Variants in ANKIB1 observed in about 807,000 individuals in gnomAD.
ANKIB1 encodes ankyrin repeat and IBR domain containing 1.
ANKIB1 carries 43 observed loss-of-function variants against 122.1 expected under a neutral mutation model. The observed-to-expected ratio is 0.35, with a 90% CI of 0.28 to 0.45. The LOEUF is 0.45. Ranked by LOEUF, ANKIB1 falls within the 20% of genes least tolerant of loss-of-function variation. ANKIB1 has a pLI of 1.00. For synonymous variants in ANKIB1, 390 were observed against 442.0 expected (o/e 0.88, Z 1.48); for missense variants, 992 against 1,329.5 (o/e 0.75, Z 3.95).
At chr7:92,259,293 C>T (rs1327814167) in intron 1 of ANKIB1, among the ~76,000 whole-genome samples, 2 of 152,112 alleles carry the variant, frequency 1.3e-5, no homozygotes, top group Non-Finnish European at 2.9e-5. Context: ...CCATAATGTC[C>T]ACGTGCCAGG....
At chr7:92,328,960 C>T (rs1029102716) in intron 5 of ANKIB1, among the ~76,000 whole-genome samples, 41 of 147,898 alleles carry the variant, frequency 2.8e-4, no homozygotes, top group African/African-American at 9.4e-4. Flanking sequence ...TATACACACA[C>T]ACAAACACAC....
chr7:92,246,138 G>A lies in ANKIB1; in HGVS notation c.-472G>A. 1.0e-5 allele frequency: 3 copies of A among 294,802 alleles called. No individual in the cohort carries two copies. Among genetic ancestry groups the A allele is most frequent in the Non-Finnish European group, 1.3e-5 (2 of 153,632 alleles). The allele number at this position is 294,802 out of a possible 1,614,324, so 18.3% of individuals were successfully genotyped here. Reference sequence around the variant, plus strand: ...CGGGGGAGGGGAAGAGGGCGGCCGGGGCTGCGAGCGCGCAAGGCTGGAACA... The same window carrying A: ...CGGGGGAGGGGAAGAGGGCGGCCGGAGCTGCGAGCGCGCAAGGCTGGAACA... On this transcript the variant is annotated 5_prime_UTR_variant, in exon 1 of 20. Coordinates refer to ENST00000265742, the MANE Select transcript of ANKIB1 (RefSeq NM_019004.2).
At chr7:92,365,830 T>C (rs60664984) in intron 10 of ANKIB1, among the ~76,000 whole-genome samples, 3,800 of 111,522 alleles carry the variant, frequency 0.034, 224 homozygotes, top group African/African-American at 0.12. Context: ...ACAGTCTCGC[T>C]CTGTCGCCCG....
intron 10 of ANKIB1, among the ~76,000 whole-genome samples, chr7:92,368,324 A>G (rs754475309): frequency 6.6e-5 from 10 of 151,208 alleles, no homozygotes; most frequent in Non-Finnish European, 1.0e-4. Context: ...AAAGAATAAG[A>G]GCTGTAACTG....
chr7:92,305,699 T>G (rs1802545538), intron 2 of ANKIB1, among the ~76,000 whole-genome samples: 1 of 152,108 alleles, frequency 6.6e-6, no homozygotes, highest in South Asian at 2.1e-4. Context: ...AGTATTGAAG[T>G]GTACTGCCGG....
intron 3 of ANKIB1, among the ~76,000 whole-genome samples, chr7:92,314,150 T>C (rs1333294562): frequency 2.6e-5 from 4 of 151,830 alleles, no homozygotes; most frequent in East Asian, 1.9e-4. Context: ...ATCAAAAAAT[T>C]AGCCAGTCGT....
At chr7:92,309,942 A>AAAAAAAATATATATATAT (rs1335765681) in intron 3 of ANKIB1, among the ~76,000 whole-genome samples, 2 of 91,790 alleles carry the variant, frequency 2.2e-5, no homozygotes, top group African/African-American at 4.8e-5. Context: ...AAAAAAAAAA[A>AAAAAAAATATATATATAT]ATATATATAT....
At chr7:92,330,690 A>C (rs1210265474) in intron 5 of ANKIB1, among the ~76,000 whole-genome samples, 5 of 151,992 alleles carry the variant, frequency 3.3e-5, no homozygotes, top group Non-Finnish European at 5.9e-5. Flanking sequence ...AAAATACAAA[A>C]AATTAGCAGG....
At chr7:92,313,548 T>TA (rs1802734708) in intron 3 of ANKIB1, among the ~76,000 whole-genome samples, 4 of 152,198 alleles carry the variant, frequency 2.6e-5, no homozygotes, top group African/African-American at 9.7e-5. Flanking sequence ...AAGGCCTATA[T>TA]TAACTATTTA....
At chr7:92,361,805 T>C (rs902114804) in intron 9 of ANKIB1, among the ~76,000 whole-genome samples, 1 of 151,962 alleles carries the variant, frequency 6.6e-6, no homozygotes, top group African/African-American at 2.4e-5. Flanking sequence ...GAATACTTTC[T>C]ACTTTTTTTG....
chr7:92,257,352 G>A (rs1345605574), intron 1 of ANKIB1, among the ~76,000 whole-genome samples: 2 of 152,144 alleles, frequency 1.3e-5, no homozygotes, highest in Non-Finnish European at 2.9e-5. Context: ...TAGCTAGATA[G>A]CATACTTATT....
rs1804964305 is a variant in ANKIB1, at chr7:92,399,192, A to C, written c.*243A>C. 9.0e-6 allele frequency: 3 copies of C among 333,842 alleles called. No individual in the cohort carries two copies. Among genetic ancestry groups the C allele is most frequent in the Non-Finnish European group, 1.1e-5 (2 of 187,626 alleles). 20.7% of individuals were successfully genotyped at this position (333,842 alleles called of 1,614,324 possible). A position where few individuals can be genotyped will look rare whatever the true frequency, so the allele number is the denominator to read the frequency against. The stretch of plus-strand genomic sequence containing the variant: ...TTGCTGACAAAAAGAAGAGCAAGAG[A>C]AAGAGAAACAAAAATGAAATAAATA... On this transcript the variant is annotated 3_prime_UTR_variant, in exon 20 of 20. Transcript: ENST00000265742.
At chr7:92,304,420 AT>A (rs1802515471) in intron 2 of ANKIB1, among the ~76,000 whole-genome samples, 1 of 152,040 alleles carries the variant, frequency 6.6e-6, no homozygotes, top group South Asian at 2.1e-4. Flanking sequence ...TCTTCTCTAT[AT>A]GGGGAGGATC....
intron 11 of ANKIB1, among the ~76,000 whole-genome samples, chr7:92,380,532 C>G (rs1585135244): frequency 6.6e-6 from 1 of 152,174 alleles, no homozygotes; most frequent in East Asian, 1.9e-4. Flanking sequence ...GACGAAGATT[C>G]CAGAGGAAGG....
chr7:92,273,033 CTATA>C (rs1436216445), intron 1 of ANKIB1, among the ~76,000 whole-genome samples: 1 of 152,034 alleles, frequency 6.6e-6, no homozygotes, highest in Non-Finnish European at 1.5e-5. Flanking sequence ...ATATAGTACT[CTATA>C]TAAGTACAGT....
chr7:92,380,728 C>T (rs181815505), intron 11 of ANKIB1, among the ~76,000 whole-genome samples: 23 of 152,276 alleles, frequency 1.5e-4, no homozygotes, highest in African/African-American at 5.5e-4. Flanking sequence ...AAAAGGACAT[C>T]CACACCAAAA....
At chr7:92,340,043 A>AAATT (rs1803403244) in intron 5 of ANKIB1, among the ~76,000 whole-genome samples, 1 of 151,862 alleles carries the variant, frequency 6.6e-6, no homozygotes, top group Non-Finnish European at 1.5e-5. Flanking sequence ...CCTTGGCCTT[A>AAATT]AAGAACATTA....
chr7:92,390,661 T>C (rs1477363137), intron 15 of ANKIB1, among the ~76,000 whole-genome samples: 1 of 152,234 alleles, frequency 6.6e-6, no homozygotes, highest in East Asian at 1.9e-4. Flanking sequence ...TGTCCTCTGC[T>C]AATTTATATC....
chr7:92,390,188 A>G (rs1804757016), intron 15 of ANKIB1, 72 bp downstream of exon 15: 2 of 1,178,146 alleles, frequency 1.7e-6, no homozygotes, highest in African/African-American at 3.2e-5. Context: ...TTTTGAAACC[A>G]CTTGTTTTAT....
Sources: allele counts gnomAD v4.1 joint callset (sites outside exome capture counted in the v4.1 genomes callset), GRCh38; gene constraint gnomAD v4.1.1; transcripts MANE v1.5; gene names NCBI Gene and HGNC (gene_info 2026-07-23, HGNC 2026-07-21).